Variants in TAOK3 observed in about 807,000 individuals in gnomAD.
TAOK3 encodes serine/threonine-protein kinase TAO3.
Under a neutral mutation model 120.4 loss-of-function variants are expected in TAOK3, and 40 were observed. That is an observed-to-expected ratio of 0.33 (90% CI 0.26 to 0.43). The LOEUF (loss-of-function observed/expected upper bound fraction) is 0.43. Ranked by LOEUF, TAOK3 falls within the 20% of genes least tolerant of loss-of-function variation. TAOK3 has a pLI of 1.00. For synonymous variants in TAOK3, 355 were observed against 387.5 expected, an observed-to-expected ratio of 0.92 and a Z score of 0.99; for missense variants, 821 against 1,112.1, an observed-to-expected ratio of 0.74 and a Z score of 3.72.
At chr12:118,214,653 T>C (rs1269143864) in intron 9 of TAOK3, among the ~76,000 whole-genome samples, 2 of 151,602 alleles carry the variant, frequency 1.3e-5, no homozygotes, top group Non-Finnish European at 2.9e-5. Context: ...CTGCAACCTC[T>C]GCCTCCTGGG....
intron 1 of TAOK3, among the ~76,000 whole-genome samples, chr12:118,280,613 T>C (rs1027800494): frequency 6.6e-6 from 1 of 152,188 alleles, no homozygotes; most frequent in African/African-American, 2.4e-5. Context: ...TAGTTTGAAG[T>C]CTCGTAACAG....
chr12:118,226,442 G>A (rs561102146), intron 9 of TAOK3, among the ~76,000 whole-genome samples: 2 of 151,652 alleles, frequency 1.3e-5, no homozygotes, highest in African/African-American at 2.4e-5. Flanking sequence ...GCTGAGGCAG[G>A]AGAATCGCTT....
chr12:118,233,003 A>G (rs909125306), intron 9 of TAOK3, among the ~76,000 whole-genome samples: 1 of 152,140 alleles, frequency 6.6e-6, no homozygotes, highest in Non-Finnish European at 1.5e-5. Context: ...GAACCAACCC[A>G]AATGTCCAAC....
chr12:118,275,129 A>T (rs965277723), intron 1 of TAOK3, among the ~76,000 whole-genome samples: 6 of 151,832 alleles, frequency 4.0e-5, no homozygotes, highest in Non-Finnish European at 8.8e-5. Context: ...TTTTTCATTT[A>T]AAAAAAAGTT....
chr12:118,367,954 T>C (rs1566183366), intron 1 of TAOK3, among the ~76,000 whole-genome samples: 1 of 152,134 alleles, frequency 6.6e-6, no homozygotes, highest in Non-Finnish European at 1.5e-5. Flanking sequence ...AAATGTTTAT[T>C]CAGGTTGGCT....
At chr12:118,175,816 A>G (rs1189436772) in intron 16 of TAOK3, among the ~76,000 whole-genome samples, 1 of 152,196 alleles carries the variant, frequency 6.6e-6, no homozygotes, top group East Asian at 1.9e-4. Flanking sequence ...GTAAAAGGAG[A>G]ACTGAAGAAA....
intron 1 of TAOK3, among the ~76,000 whole-genome samples, chr12:118,324,960 A>G (rs562087475): frequency 7.9e-5 from 12 of 151,678 alleles, no homozygotes; most frequent in African/African-American, 2.7e-4. Context: ...GTTAGCCAGG[A>G]TGGTCTCGAT....
At chr12:118,249,957 G>C (rs1396330877) in intron 3 of TAOK3, among the ~76,000 whole-genome samples, 3 of 152,114 alleles carry the variant, frequency 2.0e-5, no homozygotes, top group Admixed American at 6.5e-5. Context: ...CTTTAGGTGG[G>C]TTATGGATAA....
At chr12:118,162,052 C>T (rs377135848) in intron 17 of TAOK3, 25 bp from the exon 18 acceptor site, 44 of 1,607,836 alleles carry the variant, frequency 2.7e-5, no homozygotes, top group Non-Finnish European at 3.1e-5. Context: ...AAAAGATAAA[C>T]GGAGAGAGGT....
At chr12:118,298,271 A>T (rs574900569) in intron 1 of TAOK3, among the ~76,000 whole-genome samples, 80 of 152,318 alleles carry the variant, frequency 5.3e-4, no homozygotes, top group African/African-American at 1.9e-3. Flanking sequence ...TATATGCATC[A>T]CCTGAGCATC....
intron 11 of TAOK3, 125 bp from the exon 12 acceptor site, chr12:118,201,588 A>G (rs1645158093): frequency 5.2e-6 from 4 of 766,836 alleles, no homozygotes; most frequent in Admixed American, 3.7e-5. Context: ...ATAACAAAAT[A>G]TGATTTTCAT....
intron 1 of TAOK3, among the ~76,000 whole-genome samples, chr12:118,282,046 T>C (rs1213149045): frequency 1.3e-5 from 2 of 152,212 alleles, no homozygotes; most frequent in African/African-American, 4.8e-5. Context: ...TAGAGTTTAG[T>C]AAAAACAAAA....
chr12:118,243,006 G>A (rs2064331038), intron 5 of TAOK3, among the ~76,000 whole-genome samples: 1 of 151,866 alleles, frequency 6.6e-6, no homozygotes, highest in East Asian at 1.9e-4. Flanking sequence ...ATCATATGGT[G>A]GCCCCTGTTT....
intron 19 of TAOK3, among the ~76,000 whole-genome samples, chr12:118,156,303 G>C (rs2034821043): frequency 6.6e-6 from 1 of 152,108 alleles, no homozygotes; most frequent in Admixed American, 6.5e-5. Flanking sequence ...TGGTATTGCT[G>C]ACTGCCCCTT....
intron 16 of TAOK3, 136 bp from the exon 17 acceptor site, chr12:118,172,796 TCCC>T (rs1303922698): frequency 2.7e-6 from 2 of 745,708 alleles, no homozygotes; most frequent in Admixed American, 2.7e-5. Flanking sequence ...TGCACATCCT[TCCC>T]CCAATTTTTT....
Position 118,269,067 on chromosome 12 carries a change from A to T in TAOK3, c.-193-2308T>A, listed in dbSNP as rs374857957. Among the ~76,000 whole-genome samples the T allele has an allele frequency of 4.6e-5, 7 of 151,152 alleles. No homozygotes were observed. In the East Asian group the frequency reaches 1.2e-3, roughly 25 times the overall value. On this transcript the variant is annotated intron_variant, in intron 1 of 20. Transcript: ENST00000392533. ...AAAAAAGAAAAGAAAGAGAGTTTCA[A>T]ATAAGGCATCTTACAAATCAGGAAA...
At chr12:118,370,056 G>A (rs1047691192) in intron 1 of TAOK3, among the ~76,000 whole-genome samples, 4 of 152,068 alleles carry the variant, frequency 2.6e-5, no homozygotes, top group African/African-American at 7.2e-5. Context: ...TTGTATTCTA[G>A]TAGAGACGGG....
At chr12:118,343,734 T>C (rs1172486250) in intron 1 of TAOK3, among the ~76,000 whole-genome samples, 4 of 152,042 alleles carry the variant, frequency 2.6e-5, no homozygotes, top group African/African-American at 9.7e-5. Flanking sequence ...CACTAGAGGC[T>C]GGGCGCGGTG....
chr12:118,308,388 T>G (rs2043131363), intron 1 of TAOK3, among the ~76,000 whole-genome samples: 2 of 152,174 alleles, frequency 1.3e-5, no homozygotes, highest in Admixed American at 1.3e-4. Context: ...TTTACTTTCT[T>G]AATAAACTTG....
Sources: gnomAD v4.1 joint callset for allele counts (sites outside exome capture counted in the v4.1 genomes callset) on GRCh38, gnomAD v4.1.1 for gene constraint, MANE v1.5 for transcripts, NCBI Gene and HGNC (gene_info 2026-07-23, HGNC 2026-07-21) for gene names.